The following EIF2AK4 variants were observed in gnomAD, a reference collection of about 807,000 sequenced individuals.
EIF2AK4 encodes eukaryotic translation initiation factor 2 alpha kinase 4, also known as eIF-2-alpha kinase GCN2.
A neutral mutation model predicts 211.1 loss-of-function variants in EIF2AK4; 139 were observed. That is an observed-to-expected ratio of 0.66 (90% CI 0.57 to 0.76). EIF2AK4 has a LOEUF of 0.76. Ranked by LOEUF, EIF2AK4 falls within the 30% of genes least tolerant of loss-of-function variation. EIF2AK4 has a pLI of 0.00. For missense variants in EIF2AK4, 1,664 were observed against 2,043.8 expected (o/e 0.81, Z 3.58); for synonymous variants, 710 against 751.3 (o/e 0.94, Z 0.90).
At chr15:39,989,817 G>C (rs371563125) in intron 15 of EIF2AK4, among the ~76,000 whole-genome samples, 42 of 152,320 alleles carry the variant, frequency 2.8e-4, no homozygotes, top group African/African-American at 1.0e-3. Context: ...TGAACTGTTA[G>C]AATTACTGTG....
chr15:40,027,784 G>T (rs905903113), intron 33 of EIF2AK4, among the ~76,000 whole-genome samples: 1 of 151,926 alleles, frequency 6.6e-6, no homozygotes, highest in Non-Finnish European at 1.5e-5. Flanking sequence ...CCAGCTACTC[G>T]GGAGGCTGAG....
chr15:40,024,700 CTTT>C (rs34431419), intron 32 of EIF2AK4, among the ~76,000 whole-genome samples: 1 of 140,414 alleles, frequency 7.1e-6, no homozygotes. Context: ...GCCCAGCCTC[CTTT>C]TTTTTTTTTT....
chr15:39,951,591 CA>C, intron 4 of EIF2AK4: 1 of 301,802 alleles, frequency 3.3e-6, no homozygotes, highest in South Asian at 2.9e-5. Context: ...GGGGAGTTTG[CA>C]AATCAGTTCA....
chr15:39,936,729 A>C (rs1190837032), intron 1 of EIF2AK4, among the ~76,000 whole-genome samples: 1 of 152,098 alleles, frequency 6.6e-6, no homozygotes, highest in African/African-American at 2.4e-5. Flanking sequence ...AACTCTTGAG[A>C]CTTGATGGGT....
chr15:39,971,728 T>A (rs1002807164), intron 9 of EIF2AK4, among the ~76,000 whole-genome samples: 7 of 149,260 alleles, frequency 4.7e-5, no homozygotes, highest in Non-Finnish European at 8.9e-5. Flanking sequence ...AAAAAAAAAA[T>A]TAAAATTAAA....
rs1037548080 is a variant in EIF2AK4, at chr15:39,946,925, A to G, written c.361-2191A>G. ...CATTGATTTCTACAGACATAATGCTATTTCACACTTAATAGACTACCATAT... is the reference window on the plus strand; with the variant it reads ...CATTGATTTCTACAGACATAATGCTGTTTCACACTTAATAGACTACCATAT... On this transcript the variant is annotated intron_variant, in intron 3 of 38. Coordinates refer to ENST00000263791, the MANE Select transcript of EIF2AK4 (RefSeq NM_001013703.4). The G allele has an allele frequency of 6.7e-5, 29 of 431,240 alleles. 1 individual carries two copies. The East Asian group carries it at 1.1e-3, about 16-fold the overall frequency. 26.7% of individuals were successfully genotyped at this position (431,240 alleles called of 1,614,324 possible). A position where few individuals can be genotyped will look rare whatever the true frequency, so the allele number is the denominator to read the frequency against.
chr15:40,023,900 A>AT, intron 32 of EIF2AK4, among the ~76,000 whole-genome samples: 1 of 152,332 alleles, frequency 6.6e-6, no homozygotes, highest in Admixed American at 6.5e-5. Context: ...CTTGGACCAA[A>AT]TTCAGCCCAT....
At chr15:40,024,339 GC>G (rs1363832825) in intron 32 of EIF2AK4, among the ~76,000 whole-genome samples, 1 of 150,944 alleles carries the variant, frequency 6.6e-6, no homozygotes, top group African/African-American at 2.4e-5. Flanking sequence ...ACTGCACCTG[GC>G]TAACTTATCT....
Position 40,019,140 on chromosome 15 carries a change from C to T in EIF2AK4, c.4113C>T (p.Ala1371=). The T allele has an allele frequency of 6.2e-7, 1 of 1,607,818 alleles. No homozygotes were observed. Residue 1371 remains alanine, a synonymous_variant, in exon 30 of 39, where the codon GCC becomes GCT. Coordinates refer to ENST00000263791, the MANE Select transcript of EIF2AK4 (RefSeq NM_001013703.4). ...AAGCTCTGGGGCCAGTTCCCACTGC[C>T]ATTGGGGTCAGCATAGCTATAGACA... ...GPQALGPVPT[A]IGVSIAIDKI...
rs55669603 is a variant in EIF2AK4 at position 39,944,432 on chromosome 15, C to CT, written c.360+964dup. 4.1e-3 allele frequency among the ~76,000 whole-genome samples: 499 copies of CT among 121,140 alleles called. 6 individuals are homozygous for CT. Among genetic ancestry groups the CT allele is most frequent in the East Asian group, 9.1e-3 (28 of 3,082 alleles). 79.5% of individuals were successfully genotyped at this position (121,140 alleles called of 152,430 possible). A position where few individuals can be genotyped will look rare whatever the true frequency, so the allele number is the denominator to read the frequency against. On this transcript the variant is annotated intron_variant, in intron 3 of 38. Transcript: ENST00000263791. ...CCTGGCAGCTTATGTTTAACGATCT[C>CT]TTTTTTTTTTTTTTTTTGAGGCGGA...
intron 3 of EIF2AK4, among the ~76,000 whole-genome samples, chr15:39,948,793 T>A (rs1449363392): frequency 6.6e-6 from 1 of 152,230 alleles, no homozygotes; most frequent in East Asian, 1.9e-4. Context: ...TTGTCAGATT[T>A]ATTTCTAAAG....
chr15:39,968,850 T>C (rs944282747), intron 9 of EIF2AK4, among the ~76,000 whole-genome samples: 3 of 149,778 alleles, frequency 2.0e-5, no homozygotes, highest in Non-Finnish European at 3.0e-5. Flanking sequence ...GTGTTTGAGA[T>C]TGTTTTTGTG....
At chr15:40,014,566 C>T (rs771860170) in intron 27 of EIF2AK4, among the ~76,000 whole-genome samples, 1 of 152,238 alleles carries the variant, frequency 6.6e-6, no homozygotes, top group Non-Finnish European at 1.5e-5. Flanking sequence ...CCCTAAGCTA[C>T]ATAGAGGAGG....
At chr15:39,964,662 G>A (rs1045641280) in intron 7 of EIF2AK4, among the ~76,000 whole-genome samples, 2 of 152,098 alleles carry the variant, frequency 1.3e-5, no homozygotes, top group Non-Finnish European at 2.9e-5. Context: ...AACAAGTGGT[G>A]ATTTTTTTCT....
chr15:40,022,298 G>T, intron 31 of EIF2AK4: 5 of 443,136 alleles, frequency 1.1e-5, no homozygotes, highest in South Asian at 3.2e-5. Flanking sequence ...ATTATTCATG[G>T]CCCTTTAAAC....
chr15:39,987,317 T>C (rs76541279), intron 14 of EIF2AK4, among the ~76,000 whole-genome samples: 3,505 of 152,312 alleles, frequency 0.023, 125 homozygotes, highest in African/African-American at 0.081. Flanking sequence ...CCGAAGGTGA[T>C]AGAACAAAGT....
intron 25 of EIF2AK4, 39 bp downstream of exon 25, chr15:40,008,234 A>C (rs775469917): frequency 2.9e-5 from 45 of 1,541,992 alleles, no homozygotes; most frequent in Admixed American, 5.8e-5. Flanking sequence ...ATTCCCCACT[A>C]TATTTCTTCA....
intron 4 of EIF2AK4, among the ~76,000 whole-genome samples, chr15:39,952,252 C>G (rs553937778): frequency 6.6e-6 from 1 of 151,738 alleles, no homozygotes; most frequent in Non-Finnish European, 1.5e-5. Flanking sequence ...TTTTTCCATC[C>G]AGGGCTGTTT....
At chr15:39,999,507 A>G (rs1233370168) in intron 20 of EIF2AK4, among the ~76,000 whole-genome samples, 3 of 152,184 alleles carry the variant, frequency 2.0e-5, no homozygotes, top group Non-Finnish European at 4.4e-5. Flanking sequence ...GAACAAAAGC[A>G]TAGATGGAAT....
Sources: gnomAD v4.1 joint callset for allele counts (sites outside exome capture counted in the v4.1 genomes callset) on GRCh38, gnomAD v4.1.1 for gene constraint, MANE v1.5 for transcripts, NCBI Gene and HGNC (gene_info 2026-07-23, HGNC 2026-07-21) for gene names.